The following LCOR variants were observed in gnomAD, a reference collection of about 807,000 sequenced individuals.
LCOR encodes ligand dependent nuclear receptor corepressor.
In LCOR, 14 loss-of-function variants were observed where a neutral mutation model predicts 64.4. The ratio of observed to expected loss-of-function variants is 0.22; its 90% CI spans 0.14 to 0.34. The LOEUF is 0.34. LCOR is among the 10% of genes least tolerant of loss of function. The pLI is 1.00. For missense variants in LCOR, 1,686 were observed against 1,765.3 expected (o/e 0.96, Z 0.80); for synonymous variants, 643 against 642.5 (o/e 1.00, Z -0.01).
rs1238889843 is a variant in LCOR, at chr10:96,982,074, A to G, written c.1614A>G (p.Ala538=). ...GCTGCTCAGCATTGGCATCAGAGGC[A>G]GTTTTCACTCCTAAGCAGACCCTTA... ...KASCSALASE[A]VFTPKQTLTI... Residue 538 remains alanine, a synonymous_variant, in exon 8 of 8, where the codon GCA becomes GCG. Coordinates refer to ENST00000421806, the MANE Select transcript of LCOR (RefSeq NM_001346516.2). 4.3e-6 allele frequency: 7 copies of G among 1,614,198 alleles called. No homozygotes were observed. In the South Asian group the frequency reaches 7.7e-5, roughly 18 times the overall value.
Position 96,919,468 on chromosome 10 carries a change from A to C in LCOR, c.-184+11721A>C, listed in dbSNP as rs149984428. ...CTCCATCTTTTTTGAAATTATTTGC[A>C]TTTTCTTCATGGATTGTATCTTTTT... On this transcript the variant is annotated intron_variant, in intron 4 of 7. Transcript: ENST00000421806. Among the ~76,000 whole-genome samples the C allele has an allele frequency of 1.9e-3, 286 of 151,336 alleles. 1 individual carries two copies. Among genetic ancestry groups the C allele is most frequent in the Non-Finnish European group, 3.2e-3 (216 of 67,822 alleles).
chr10:96,983,782 C>A lies in LCOR; in HGVS notation c.3322C>A (p.Gln1108Lys). Residue 1108 changes from glutamine (Q) to lysine (K), a missense_variant, in exon 8 of 8, where the codon CAA becomes AAA. This residue lies in a region of LCOR where 1,293 missense variants were observed against 1,410.4 expected (regional missense o/e 0.92). Coordinates refer to ENST00000421806, the MANE Select transcript of LCOR (RefSeq NM_001346516.2). This position sits in a 1 kb window ranked among gnomAD's most constrained non-coding sequence, Gnocchi z 4.5. ...GGAATGGTGTGCTGAGGAGGAGAAC[C>A]AAGAGCTCATCGCCAACTTCAATGC... ...FMEWCAEEENQELIANFNAQY... is the reference protein window; with the variant it reads ...FMEWCAEEENKELIANFNAQY... 1 of 1,614,066 alleles carries A rather than the reference C, an allele frequency of 6.2e-7. No individual in the cohort carries two copies.
intron 2 of LCOR, among the ~76,000 whole-genome samples, chr10:96,864,978 G>A (rs1044751067): frequency 1.3e-5 from 2 of 152,140 alleles, no homozygotes; most frequent in Non-Finnish European, 2.9e-5. Context: ...GGGGTGGATT[G>A]GAGTAATAGA....
intron 2 of LCOR, among the ~76,000 whole-genome samples, chr10:96,868,389 C>T (rs187352449): frequency 2.5e-3 from 382 of 151,936 alleles, no homozygotes; most frequent in Non-Finnish European, 4.0e-3. Flanking sequence ...ATTCTCCTGC[C>T]TCAGCTTCCC....
In LCOR at chr10:96,984,824, A is replaced by G. The variant is rs775408829; in HGVS notation, c.4364A>G (p.Asn1455Ser). 5 of 1,614,182 alleles carry G rather than the reference A, an allele frequency of 3.1e-6. 1 individual carries two copies. Among genetic ancestry groups the G allele is most frequent in the Middle Eastern group, 3.3e-4 (2 of 6,062 alleles). The change falls in exon 8 of 8, where the codon AAT becomes AGT. Residue 1455 changes from asparagine (N) to serine (S), a missense_variant. By Grantham distance (46) the Asn-to-Ser change is conservative. Coordinates refer to ENST00000421806, the MANE Select transcript of LCOR (RefSeq NM_001346516.2). ...CCCAAAAAGACGTCTTTGAAAGAGA[A>G]TAAAGTGAAGATCCCTAAAAAGTCC... ...QPPKKTSLKENKVKIPKKSAG... is the reference protein window; with the variant it reads ...QPPKKTSLKESKVKIPKKSAG...
Position 96,899,584 on chromosome 10 carries a change from A to T in LCOR, c.-329-7681A>T, listed in dbSNP as rs368359379. On this transcript the variant is annotated intron_variant, in intron 2 of 7. Transcript: ENST00000421806. ...ACTAATTTTAACAAACTTTTGATAA[A>T]TATCTTAATTTAACTTCTTAAAACA... Among the ~76,000 whole-genome samples, 4 of 152,248 alleles carry T rather than the reference A, an allele frequency of 2.6e-5. No individual in the cohort carries two copies. In the East Asian group the frequency reaches 5.8e-4, roughly 22 times the overall value.
At chr10:96,904,252 A>G (rs780083148) in intron 2 of LCOR, among the ~76,000 whole-genome samples, 5 of 152,190 alleles carry the variant, frequency 3.3e-5, no homozygotes, top group Non-Finnish European at 5.9e-5. Flanking sequence ...GAGAGATACT[A>G]TATTTTAGCA....
At chr10:96,840,895 TG>T (rs1845528539) in intron 2 of LCOR, among the ~76,000 whole-genome samples, 1 of 152,232 alleles carries the variant, frequency 6.6e-6, no homozygotes, top group African/African-American at 2.4e-5. Context: ...TCCAGCACAC[TG>T]GAAGGCTGAG....
At chr10:96,971,364 T>G (rs1847997460) in intron 7 of LCOR, among the ~76,000 whole-genome samples, 1 of 152,192 alleles carries the variant, frequency 6.6e-6, no homozygotes, top group Non-Finnish European at 1.5e-5. Context: ...ATAATTTATT[T>G]GAATAGTCCA....
At chr10:96,892,508 T>C (rs1846463368) in intron 2 of LCOR, among the ~76,000 whole-genome samples, 1 of 152,198 alleles carries the variant, frequency 6.6e-6, no homozygotes, top group Admixed American at 6.5e-5. Context: ...CATGGATGAC[T>C]GTCTTTTTGC....
Position 96,993,542 on chromosome 10 carries a change from T to C in LCOR, c.*8408T>C, listed in dbSNP as rs1452453999. ...AAAAATATTTATTACTTGTGCTGTA[T>C]ACAAATTCATGTTCTGAGTGATGTT... On this transcript the variant is annotated 3_prime_UTR_variant, in exon 8 of 8. Transcript: ENST00000421806. The C allele has an allele frequency of 1.3e-5, 2 of 152,124 alleles. No individual in the cohort carries two copies. Among genetic ancestry groups the C allele is most frequent in the African/African-American group, 4.8e-5 (2 of 41,428 alleles). 9.4% of individuals were successfully genotyped at this position (152,124 alleles called of 1,614,324 possible).
Position 96,832,321 on chromosome 10 carries a change from C to G in LCOR, c.-482C>G. The G allele has an allele frequency of 1.0e-6, 1 of 983,838 alleles. No individual in the cohort carries two copies. Among genetic ancestry groups the G allele is most frequent in the Non-Finnish European group, 1.2e-6 (1 of 829,234 alleles). 60.9% of individuals were successfully genotyped at this position (983,838 alleles called of 1,614,324 possible). A position where few individuals can be genotyped will look rare whatever the true frequency, so the allele number is the denominator to read the frequency against. On this transcript the variant is annotated 5_prime_UTR_variant, in exon 1 of 8. Coordinates refer to ENST00000421806, the MANE Select transcript of LCOR (RefSeq NM_001346516.2). Reference sequence around the variant, plus strand: ...GCAGAAGATGGCGAGGGTGTGTAGGCGGCAGCAATGCTCCGTTGAGAGACG... The same window carrying G: ...GCAGAAGATGGCGAGGGTGTGTAGGGGGCAGCAATGCTCCGTTGAGAGACG...
intron 1 of LCOR, 163 bp from the exon 2 acceptor site, chr10:96,833,243 C>A (rs1845378406): frequency 1.0e-6 from 1 of 966,048 alleles, no homozygotes; most frequent in African/African-American, 1.8e-5. Flanking sequence ...CGCAGCCTCG[C>A]CCGAATGCCC....
intron 7 of LCOR, chr10:96,963,333 C>T (rs1340235541): frequency 6.6e-6 from 1 of 152,206 alleles, no homozygotes; most frequent in African/African-American, 2.4e-5. Flanking sequence ...AAACAAAAGA[C>T]ATTCCTAACT....
chr10:96,952,257 GCC>G, intron 7 of LCOR, 61 bp downstream of exon 7: 1 of 1,127,662 alleles, frequency 8.9e-7, no homozygotes, highest in Non-Finnish European at 1.3e-6. Flanking sequence ...AAAGGTTGAT[GCC>G]AGTCTCCCTT....
chr10:96,914,995 G>T (rs1390638828), intron 4 of LCOR, among the ~76,000 whole-genome samples: 3 of 152,152 alleles, frequency 2.0e-5, no homozygotes, highest in African/African-American at 7.2e-5. Flanking sequence ...AAGACATAAA[G>T]ATGCATTTGT....
chr10:96,962,840 A>C (rs1026780799), intron 7 of LCOR: 1 of 152,190 alleles, frequency 6.6e-6, no homozygotes, highest in African/African-American at 2.4e-5. Flanking sequence ...GCTGTCAGAC[A>C]TTGGTATTTT....
At chr10:96,967,406 A>G (rs1253756479) in intron 7 of LCOR, among the ~76,000 whole-genome samples, 1 of 152,218 alleles carries the variant, frequency 6.6e-6, no homozygotes, top group Non-Finnish European at 1.5e-5. Context: ...TGCTGGGATT[A>G]CAAGTATGAG....
chr10:96,888,605 A>G (rs1846387759), intron 2 of LCOR, among the ~76,000 whole-genome samples: 1 of 152,144 alleles, frequency 6.6e-6, no homozygotes, highest in African/African-American at 2.4e-5. Context: ...ACCAGTAATG[A>G]TGTTACAAAT....
Sources: gnomAD v4.1 joint callset for allele counts (sites outside exome capture counted in the v4.1 genomes callset) on GRCh38, gnomAD v4.1.1 for gene constraint, gnomAD v4.1.1 regional missense constraint, Gnocchi (gnomAD v3.1) non-coding constraint, MANE v1.5 for transcripts, NCBI Gene and HGNC (gene_info 2026-07-23, HGNC 2026-07-21) for gene names.